SYK: variants seen among roughly 807,000 people sequenced by gnomAD.
SYK encodes the protein tyrosine-protein kinase SYK.
SYK carries 16 observed loss-of-function variants against 77.8 expected under a neutral mutation model. The ratio of observed to expected loss-of-function variants is 0.21; its 90% CI spans 0.14 to 0.31. SYK has a LOEUF of 0.31. SYK is among the 10% of genes least tolerant of loss of function. The pLI, the probability that SYK is intolerant of heterozygous loss-of-function variation, is 1.00. For synonymous variants in SYK, 312 were observed against 308.7 expected (o/e 1.01, Z -0.11); for missense variants, 529 against 814.4 (o/e 0.65, Z 4.26).
intron 11 of SYK, among the ~76,000 whole-genome samples, chr9:90,887,405 C>CTTTTTTTTTTTTT (rs3056951): frequency 7.8e-6 from 1 of 128,940 alleles, no homozygotes; most frequent in Non-Finnish European, 1.6e-5. Context: ...TTCTTTCTTT[C>CTTTTTTTTTTTTT]TTTTTTTTTT....
intron 11 of SYK, among the ~76,000 whole-genome samples, chr9:90,886,749 ACCATATGAT>A (rs1828593675): frequency 6.6e-6 from 1 of 152,238 alleles, no homozygotes; most frequent in South Asian, 2.1e-4. Context: ...ACATAGAATT[ACCATATGAT>A]CCAGCAAGTC....
intron 11 of SYK, 99 bp from the exon 12 acceptor site, chr9:90,887,650 T>C: frequency 7.5e-7 from 1 of 1,340,230 alleles, no homozygotes; most frequent in Non-Finnish European, 1.0e-6. Context: ...TGATCTGCTC[T>C]CCTCAGCCTC....
chr9:90,820,661 C>T (rs1399269541), intron 1 of SYK, among the ~76,000 whole-genome samples: 1 of 152,144 alleles, frequency 6.6e-6, no homozygotes, highest in Non-Finnish European at 1.5e-5. Flanking sequence ...TCCTCCTGGG[C>T]CTCCAGGTCT....
At chr9:90,841,213 GTGT>G (rs898102176) in intron 1 of SYK, among the ~76,000 whole-genome samples, 2 of 151,548 alleles carry the variant, frequency 1.3e-5, no homozygotes, top group African/African-American at 4.9e-5. Flanking sequence ...TGCATGTAGT[GTGT>G]TGTGTGTCGT....
chr9:90,816,611 A>G (rs932961937), intron 1 of SYK, among the ~76,000 whole-genome samples: 2 of 152,224 alleles, frequency 1.3e-5, no homozygotes, highest in African/African-American at 4.8e-5. Context: ...GAATCAAGCC[A>G]ATTAACATAC....
At chr9:90,841,248 GGT>G (rs1009553931) in intron 1 of SYK, among the ~76,000 whole-genome samples, 1 of 151,458 alleles carries the variant, frequency 6.6e-6, no homozygotes, top group African/African-American at 2.4e-5. Flanking sequence ...TTGTGTGTGT[GGT>G]GTGTTTGCAG....
At chr9:90,851,261 A>G (rs1439135036) in intron 3 of SYK, among the ~76,000 whole-genome samples, 3 of 152,172 alleles carry the variant, frequency 2.0e-5, no homozygotes, top group Non-Finnish European at 2.9e-5. Flanking sequence ...GGGCATGTCC[A>G]TGTGAAATCT....
rs1226099973 is a variant in SYK, at chr9:90,864,585, T to C, written c.718-4T>C. The C allele has an allele frequency of 6.2e-7, 1 of 1,613,786 alleles. No individual in the cohort carries two copies. The highest frequency in any genetic ancestry group is 1.1e-5 in the South Asian group (1 of 91,030). ...TACCACTTTCTTACTTTTTTCTCTT[T>C]CAGCTAGTCGAGCATTATTCTTATA... On this transcript the variant is annotated splice_polypyrimidine_tract_variant and splice_region_variant and intron_variant, in intron 4 of 13. Transcript: ENST00000375754.
intron 7 of SYK, among the ~76,000 whole-genome samples, chr9:90,869,981 G>A (rs1280508833): frequency 6.6e-6 from 1 of 152,112 alleles, no homozygotes; most frequent in Non-Finnish European, 1.5e-5. Flanking sequence ...GGTGGCACAC[G>A]CCTATAATCC....
chr9:90,850,004 A>C (rs1249614369), intron 3 of SYK, among the ~76,000 whole-genome samples: 1 of 152,168 alleles, frequency 6.6e-6, no homozygotes, highest in East Asian at 1.9e-4. Context: ...AACTCTTTCC[A>C]TCCCTGCATC....
chr9:90,830,679 A>G (rs1418076205), intron 1 of SYK, among the ~76,000 whole-genome samples: 1 of 142,950 alleles, frequency 7.0e-6, no homozygotes, highest in Non-Finnish European at 1.5e-5. Flanking sequence ...TCCGCCTCCC[A>G]GGTTCATGCC....
At chr9:90,869,283 A>G (rs1261460562) in intron 7 of SYK, among the ~76,000 whole-genome samples, 1 of 152,202 alleles carries the variant, frequency 6.6e-6, no homozygotes, top group African/African-American at 2.4e-5. Context: ...CTGGCAAAAA[A>G]AAAAGTTTGC....
chr9:90,813,174 G>A (rs890395606), intron 1 of SYK, among the ~76,000 whole-genome samples: 3 of 151,988 alleles, frequency 2.0e-5, no homozygotes, highest in African/African-American at 4.8e-5. Flanking sequence ...AAGCAATTTC[G>A]CTCCTGGTTG....
At chr9:90,825,983 T>C (rs936116378) in intron 1 of SYK, among the ~76,000 whole-genome samples, 1 of 152,204 alleles carries the variant, frequency 6.6e-6, no homozygotes, top group Non-Finnish European at 1.5e-5. Context: ...GTTTCTGATT[T>C]GGCAGGTCAG....
chr9:90,891,959 T>C (rs184285458), intron 13 of SYK, among the ~76,000 whole-genome samples: 1 of 152,252 alleles, frequency 6.6e-6, no homozygotes, highest in East Asian at 1.9e-4. Context: ...CCCTCACCCT[T>C]GTAAGACAGC....
rs200481350 is a variant in SYK at position 90,897,781 on chromosome 9, G to A, written c.*2181G>A. 4 of 222,846 alleles carry A rather than the reference G, an allele frequency of 1.8e-5. No individual in the cohort carries two copies. The East Asian group carries it at 2.6e-4, about 15-fold the overall frequency. 13.8% of individuals were successfully genotyped at this position (222,846 alleles called of 1,614,324 possible). A position where few individuals can be genotyped will look rare whatever the true frequency, so the allele number is the denominator to read the frequency against. On this transcript the variant is annotated 3_prime_UTR_variant, in exon 14 of 14. Transcript: ENST00000375754. ...TCCTTGTCCCTGGACAATCTCCTGA[G>A]CCTCTCTGCTTGGTGGAGCAGGCAC...
intron 3 of SYK, among the ~76,000 whole-genome samples, chr9:90,855,338 G>A (rs1275910225): frequency 3.9e-5 from 6 of 152,180 alleles, no homozygotes; most frequent in African/African-American, 1.4e-4. Flanking sequence ...CTGGGGAGGG[G>A]AGGTGAAGGG....
intron 1 of SYK, among the ~76,000 whole-genome samples, chr9:90,816,386 T>C (rs1825293352): frequency 6.6e-6 from 1 of 152,240 alleles, no homozygotes; most frequent in African/African-American, 2.4e-5. Flanking sequence ...AATCGTTCAC[T>C]GCCAGCCCTG....
chr9:90,809,435 G>A (rs1038767476), intron 1 of SYK, among the ~76,000 whole-genome samples: 6 of 152,198 alleles, frequency 3.9e-5, no homozygotes, highest in African/African-American at 1.4e-4. Flanking sequence ...AAGAGGATCT[G>A]CTGTCCTGCC....
Sources: allele counts gnomAD v4.1 joint callset (sites outside exome capture counted in the v4.1 genomes callset), GRCh38; gene constraint gnomAD v4.1.1; transcripts MANE v1.5; gene names NCBI Gene and HGNC (gene_info 2026-07-23, HGNC 2026-07-21).